Variants in CLPTM1 observed in about 807,000 individuals in gnomAD.
CLPTM1 encodes CLPTM1 regulator of GABA type A receptor forward trafficking.
Under a neutral mutation model 77.3 loss-of-function variants are expected in CLPTM1, and 21 were observed. The observed-to-expected ratio is 0.27, with a 90% confidence interval of 0.19 to 0.39. CLPTM1 has a LOEUF of 0.39. CLPTM1 is among the 10% of genes least tolerant of loss of function. The pLI is 1.00. For synonymous variants in CLPTM1, 373 were observed against 381.0 expected (o/e 0.98, Z 0.24); for missense variants, 642 against 921.2 (o/e 0.70, Z 3.92).
At chr19:44,980,818 T>C (rs1379103891) in intron 5 of CLPTM1, among the ~76,000 whole-genome samples, 3 of 151,450 alleles carry the variant, frequency 2.0e-5, no homozygotes, top group Non-Finnish European at 4.4e-5. Flanking sequence ...ATTTTATTTA[T>C]TTTATTTCAT....
chr19:44,985,195 C>G, intron 5 of CLPTM1, 23 bp from the exon 6 acceptor site: 1 of 1,602,494 alleles, frequency 6.2e-7, no homozygotes, highest in Admixed American at 1.7e-5. Flanking sequence ...CACGTCCCCT[C>G]CTTTCCCACC....
chr19:44,979,162 T>C (rs1970853332), intron 5 of CLPTM1, among the ~76,000 whole-genome samples: 1 of 152,074 alleles, frequency 6.6e-6, no homozygotes, highest in Admixed American at 6.6e-5. Context: ...GTATTTTTAG[T>C]AGAGACGGGG....
intron 3 of CLPTM1, among the ~76,000 whole-genome samples, chr19:44,973,844 A>G (rs1970763165): frequency 6.8e-6 from 1 of 146,658 alleles, no homozygotes; most frequent in African/African-American, 2.6e-5. Context: ...GCTCACTGCA[A>G]CCTCTGCCTC....
intron 3 of CLPTM1, 108 bp from the exon 4 acceptor site, chr19:44,974,331 C>T (rs1190292413): frequency 9.1e-7 from 1 of 1,103,766 alleles, no homozygotes. Flanking sequence ...CCCTGTCCTC[C>T]ATAATTACTG....
chr19:44,968,290 T>A (rs192635705), intron 2 of CLPTM1, among the ~76,000 whole-genome samples: 8 of 152,298 alleles, frequency 5.3e-5, no homozygotes, highest in African/African-American at 1.9e-4. Context: ...AAGCTGATTA[T>A]GTGGGAATAG....
chr19:44,960,524 TCCA>T (rs1970528505), intron 1 of CLPTM1, among the ~76,000 whole-genome samples: 3 of 152,164 alleles, frequency 2.0e-5, no homozygotes, highest in African/African-American at 7.2e-5. Context: ...CTGGAGCCCC[TCCA>T]ATGGTGTCCT....
rs2122345047 is a variant in CLPTM1, at chr19:44,992,514, G to A, written c.1724-97G>A. ...CCAGATGGGGTGCTCAGTCTGAGGG[G>A]GCTCGGCCCCGCCCTTGCATCACGC... On this transcript the variant is annotated intron_variant, in intron 13 of 13. Coordinates refer to ENST00000337392, the MANE Select transcript of CLPTM1 (RefSeq NM_001294.4). This position sits in a 1 kb window ranked among gnomAD's most constrained non-coding sequence, Gnocchi z 7.7. 6.3e-7 allele frequency: 1 copy of A among 1,590,062 alleles called. No homozygotes were observed. Among genetic ancestry groups the A allele is most frequent in the South Asian group, 1.1e-5 (1 of 89,252 alleles).
chr19:44,987,476 G>T, intron 8 of CLPTM1, 53 bp downstream of exon 8: 1 of 1,601,394 alleles, frequency 6.2e-7, no homozygotes, highest in South Asian at 1.1e-5. Context: ...GGGCGCAAGA[G>T]GCCAAGAGGA....
chr19:44,972,878 CGGT>C lies in CLPTM1; in HGVS notation c.186-206_186-204del, dbSNP rs527629468. 2.8e-3 allele frequency among the ~76,000 whole-genome samples: 425 copies of C among 152,076 alleles called. 2 individuals carry two copies. The highest frequency in any genetic ancestry group is 8.9e-3 in the African/African-American group (369 of 41,492). ...CCAGCTACCCCCACACACTGGCAAACGGTGGCATCTGGGCTCCCTCCCCAGATG... is the reference window on the plus strand; with the variant it reads ...CCAGCTACCCCCACACACTGGCAAACGGCATCTGGGCTCCCTCCCCAGATG... On this transcript the variant is annotated intron_variant, in intron 2 of 13. Coordinates refer to ENST00000337392, the MANE Select transcript of CLPTM1 (RefSeq NM_001294.4).
chr19:44,990,866 G>A lies in CLPTM1; in HGVS notation c.1340G>A (p.Arg447Lys). 1 of 1,613,874 alleles carries A rather than the reference G, an allele frequency of 6.2e-7. No homozygotes were observed. Among genetic ancestry groups the A allele is most frequent in the Non-Finnish European group, 8.5e-7 (1 of 1,179,846 alleles). ...VMDVRLDREH[R>K]VAGIFPRLSF... Reference sequence around the variant, plus strand: ...CATCCACAGCTGGACCGAGAGCACAGGGTGGCAGGAATCTTCCCCCGCCTA... The same window carrying A: ...CATCCACAGCTGGACCGAGAGCACAAGGTGGCAGGAATCTTCCCCCGCCTA... The change falls in exon 11 of 14, where the codon AGG becomes AAG. Residue 447 changes from arginine (R) to lysine (K), a missense_variant. Physicochemically the swap from Arg to Lys is conservative, Grantham distance 26. Coordinates refer to ENST00000337392, the MANE Select transcript of CLPTM1 (RefSeq NM_001294.4). This position sits in a 1 kb window ranked among gnomAD's most constrained non-coding sequence, Gnocchi z 4.8.
chr19:44,981,905 CAAAT>C (rs544594210), intron 5 of CLPTM1, among the ~76,000 whole-genome samples: 158 of 151,620 alleles, frequency 1.0e-3, no homozygotes, highest in Non-Finnish European at 1.7e-3. Flanking sequence ...CCCTGTCTCA[CAAAT>C]AAATAAATAA....
At chr19:44,963,656 G>C (rs1970580961) in intron 2 of CLPTM1, among the ~76,000 whole-genome samples, 1 of 151,158 alleles carries the variant, frequency 6.6e-6, no homozygotes, top group Non-Finnish European at 1.5e-5. Context: ...GTCTCGCTCT[G>C]TTTCCCAGGC....
chr19:44,987,604 T>G, intron 8 of CLPTM1, 181 bp downstream of exon 8: 1 of 780,078 alleles, frequency 1.3e-6, no homozygotes, highest in Non-Finnish European at 2.0e-6. Context: ...CCTCCAGCCC[T>G]AGATGACTGG....
chr19:44,981,325 G>C (rs1044368331), intron 5 of CLPTM1, among the ~76,000 whole-genome samples: 8 of 151,876 alleles, frequency 5.3e-5, no homozygotes, highest in Non-Finnish European at 5.9e-5. Flanking sequence ...ATTTATAGTA[G>C]AGATAGGGTT....
intron 1 of CLPTM1, chr19:44,955,740 A>G (rs1040030223): frequency 1.1e-5 from 4 of 361,054 alleles, no homozygotes; most frequent in Admixed American, 4.7e-5. Context: ...GGAGGGGCGC[A>G]GGCTTGTACC....
intron 2 of CLPTM1, among the ~76,000 whole-genome samples, chr19:44,969,767 G>A (rs113126848): frequency 9.6e-4 from 143 of 148,704 alleles, no homozygotes; most frequent in African/African-American, 3.4e-3. Context: ...GGCTCACTGC[G>A]ACCTCCACCT....
chr19:44,971,039 C>G (rs888857788), intron 2 of CLPTM1, among the ~76,000 whole-genome samples: 5 of 151,136 alleles, frequency 3.3e-5, no homozygotes, highest in African/African-American at 1.2e-4. Flanking sequence ...CCATGTTGGC[C>G]AGGCTGGTCT....
At chr19:44,973,260 G>C (rs753527939) in intron 3 of CLPTM1, 50 bp downstream of exon 3, 1 of 1,612,018 alleles carries the variant, frequency 6.2e-7, no homozygotes, top group Non-Finnish European at 8.5e-7. Flanking sequence ...GGTGTGGAGG[G>C]GTGGAATGTG....
intron 2 of CLPTM1, among the ~76,000 whole-genome samples, chr19:44,972,634 A>C (rs1205647677): frequency 6.6e-6 from 1 of 151,678 alleles, no homozygotes; most frequent in Non-Finnish European, 1.5e-5. Context: ...TCTTTTAAAA[A>C]TTTTATGTTT....
Sources: gnomAD v4.1 joint callset for allele counts (sites outside exome capture counted in the v4.1 genomes callset) on GRCh38, gnomAD v4.1.1 for gene constraint, Gnocchi (gnomAD v3.1) non-coding constraint, MANE v1.5 for transcripts, NCBI Gene and HGNC (gene_info 2026-07-23, HGNC 2026-07-21) for gene names.